Variants in FRMPD4 observed in about 807,000 individuals in gnomAD.
The protein encoded by FRMPD4 is FERM and PDZ domain containing 4.
Under a neutral mutation model 94.1 loss-of-function variants are expected in FRMPD4, and 22 were observed. The observed-to-expected ratio is 0.23, with a 90% CI of 0.17 to 0.33. The LOEUF is 0.33. Among genes scored for constraint, FRMPD4 ranks in the 10% least tolerant of loss-of-function variants. The pLI is 1.00. For synonymous variants in FRMPD4, 631 were observed against 548.6 expected, an observed-to-expected ratio of 1.15 and a Z score of -2.10; for missense variants, 1,111 against 1,339.9, an observed-to-expected ratio of 0.83 and a Z score of 2.67.
At chrX:12,331,946 AT>A (rs374202903) in intron 1 of FRMPD4, among the ~76,000 whole-genome samples, 4,557 of 39,780 alleles carry the variant, frequency 0.11, 319 homozygotes, top group Non-Finnish European at 0.14. Flanking sequence ...TAAATTATAT[AT>A]ATTTATATAC....
intron 3 of FRMPD4, among the ~76,000 whole-genome samples, chrX:11,881,971 A>G (rs745668093): frequency 1.4e-4 from 16 of 111,615 alleles, no homozygotes; most frequent in African/African-American, 4.9e-4. Context: ...GAGTTACAAA[A>G]GTATCCGGGT....
intron 3 of FRMPD4, among the ~76,000 whole-genome samples, chrX:12,075,708 C>CGA (rs2055007700): frequency 9.0e-6 from 1 of 111,692 alleles, no homozygotes; most frequent in Admixed American, 9.5e-5. Flanking sequence ...AAGTCACTTT[C>CGA]CAGACTTTAT....
intron 3 of FRMPD4, among the ~76,000 whole-genome samples, chrX:11,974,219 T>G (rs1260712131): frequency 9.0e-6 from 1 of 110,756 alleles, no homozygotes; most frequent in Non-Finnish European, 1.9e-5. Context: ...GGTGTTTGGG[T>G]CATGGGAGCA....
intron 1 of FRMPD4, among the ~76,000 whole-genome samples, chrX:12,196,867 T>G (rs1306539116): frequency 9.7e-6 from 1 of 103,568 alleles, no homozygotes; most frequent in East Asian, 3.2e-4. Flanking sequence ...CTTTTTAAAT[T>G]TGATTACCTA....
chrX:12,351,042 C>CA (rs1451865001), intron 1 of FRMPD4, among the ~76,000 whole-genome samples: 14 of 110,374 alleles, frequency 1.3e-4, no homozygotes, highest in South Asian at 7.7e-4. Flanking sequence ...GGTGTGGTGG[C>CA]GCGTGCCTGT....
chrX:11,951,054 C>A (rs2054219651), intron 3 of FRMPD4, among the ~76,000 whole-genome samples: 1 of 57,648 alleles, frequency 1.7e-5, no homozygotes, highest in Non-Finnish European at 3.1e-5. Flanking sequence ...AGTGAAACTC[C>A]ATCTCAAAAA....
chrX:12,015,475 AG>A (rs2054600407), intron 3 of FRMPD4, among the ~76,000 whole-genome samples: 1 of 111,725 alleles, frequency 9.0e-6, no homozygotes, highest in African/African-American at 3.3e-5. Flanking sequence ...GACTTACCAA[AG>A]CTTGTTATTG....
chrX:12,319,491 G>A (rs1331162477), intron 1 of FRMPD4, among the ~76,000 whole-genome samples: 2 of 111,515 alleles, frequency 1.8e-5, no homozygotes, highest in Admixed American at 1.9e-4. Context: ...GAGAACCATT[G>A]CCTTATGTTG....
chrX:12,714,324 C>T (rs940565582), intron 14 of FRMPD4, among the ~76,000 whole-genome samples: 2 of 111,433 alleles, frequency 1.8e-5, no homozygotes, highest in African/African-American at 6.5e-5. Context: ...TGGTGGCCGC[C>T]AGCATTCCTT....
At chrX:12,195,033 AGT>A (rs1173028460) in intron 1 of FRMPD4, among the ~76,000 whole-genome samples, 2 of 112,328 alleles carry the variant, frequency 1.8e-5, no homozygotes, top group African/African-American at 6.5e-5. Context: ...ACATGACACT[AGT>A]GTGTGTGCAC....
chrX:12,717,460 G>A (rs774106206), intron 15 of FRMPD4, 41 bp from the exon 16 acceptor site: 1 of 894,823 alleles, frequency 1.1e-6, no homozygotes, highest in Non-Finnish European at 1.6e-6. Context: ...AAGTGCCTCT[G>A]ATGCATCCAT....
intron 4 of FRMPD4, among the ~76,000 whole-genome samples, chrX:12,624,175 C>A (rs1339217292): frequency 8.9e-6 from 1 of 112,253 alleles, no homozygotes. Context: ...TAAGTAACTA[C>A]CTGAAAACAT....
At chrX:12,511,981 C>T (rs1229193173) in intron 2 of FRMPD4, among the ~76,000 whole-genome samples, 1 of 111,842 alleles carries the variant, frequency 8.9e-6, no homozygotes, top group Non-Finnish European at 1.9e-5. Context: ...AAGGAAGTGA[C>T]AAAGAATACT....
At chrX:12,331,856 ATTATATATATTTATATAC>A (rs1304271160) in intron 1 of FRMPD4, among the ~76,000 whole-genome samples, 1 of 46,873 alleles carries the variant, frequency 2.1e-5, no homozygotes, top group African/African-American at 1.3e-4. Flanking sequence ...CTATATATAA[ATTATATATATTTATATAC>A]TATATATAAA....
chrX:11,864,648 C>T (rs182513532), intron 1 of FRMPD4, among the ~76,000 whole-genome samples: 3 of 111,350 alleles, frequency 2.7e-5, no homozygotes, highest in African/African-American at 9.8e-5. Context: ...GGTGAATTGA[C>T]GTCCTGTTTA....
chrX:11,869,261 C>T (rs1169549466), intron 2 of FRMPD4, among the ~76,000 whole-genome samples: 5 of 111,964 alleles, frequency 4.5e-5, no homozygotes, highest in Non-Finnish European at 9.4e-5. Flanking sequence ...GAGTTCATTT[C>T]TGTGGTTTGA....
At chrX:12,348,673 C>T (rs1052153826) in intron 1 of FRMPD4, among the ~76,000 whole-genome samples, 6 of 109,423 alleles carry the variant, frequency 5.5e-5, no homozygotes, top group African/African-American at 1.7e-4. Context: ...TTTAAAAACA[C>T]GCTTTGACCA....
intron 4 of FRMPD4, among the ~76,000 whole-genome samples, chrX:12,641,187 G>C (rs1023518057): frequency 3.6e-5 from 4 of 111,437 alleles, no homozygotes; most frequent in Non-Finnish European, 5.6e-5. Flanking sequence ...AAGATAAATA[G>C]AGGGATGGGG....
intron 1 of FRMPD4, among the ~76,000 whole-genome samples, chrX:12,436,095 TC>T (rs974647783): frequency 2.7e-5 from 3 of 110,958 alleles, no homozygotes; most frequent in African/African-American, 9.9e-5. Flanking sequence ...AACCTCCGCC[TC>T]CCGGGTTCAA....
Sources: allele counts gnomAD v4.1 joint callset (sites outside exome capture counted in the v4.1 genomes callset), GRCh38; gene constraint gnomAD v4.1.1; transcripts MANE v1.5; gene names NCBI Gene and HGNC (gene_info 2026-07-23, HGNC 2026-07-21).